The following STPG2 variants were observed in gnomAD, a reference collection of about 807,000 sequenced individuals.
The protein encoded by STPG2 is sperm-tail PG-rich repeat-containing protein 2.
Under a neutral mutation model 54.2 loss-of-function variants are expected in STPG2, and 56 were observed. The ratio of observed to expected loss-of-function variants is 1.03; its 90% confidence interval spans 0.83 to 1.29. The LOEUF (loss-of-function observed/expected upper bound fraction) is 1.29. STPG2 is among the 50% of genes most tolerant of loss of function. The pLI is 0.00. For synonymous variants in STPG2, 200 were observed against 181.8 expected, an observed-to-expected ratio of 1.10 and a Z score of -0.81; for missense variants, 596 against 544.9, an observed-to-expected ratio of 1.09 and a Z score of -0.93.
intron 9 of STPG2, among the ~76,000 whole-genome samples, chr4:97,801,026 T>C (rs1448122287): frequency 1.3e-5 from 2 of 152,180 alleles, no homozygotes; most frequent in South Asian, 2.1e-4. Flanking sequence ...CTAAGACCAT[T>C]GTAAAATTGC....
intron 5 of STPG2, among the ~76,000 whole-genome samples, chr4:98,018,081 C>T (rs1736028116): frequency 6.6e-6 from 1 of 151,960 alleles, no homozygotes; most frequent in Non-Finnish European, 1.5e-5. Context: ...AGGTTTGTTA[C>T]ATATGTATAC....
At chr4:97,718,821 A>G (rs1472812720) in intron 9 of STPG2, among the ~76,000 whole-genome samples, 1 of 151,952 alleles carries the variant, frequency 6.6e-6, no homozygotes, top group African/African-American at 2.4e-5. Context: ...CCTTGTTCCT[A>G]TGTCCTACTA....
chr4:97,647,289 G>A lies in STPG2; in HGVS notation c.1320+65410C>T, dbSNP rs74964548. Among the ~76,000 whole-genome samples, 522 of 152,228 alleles carry A rather than the reference G, an allele frequency of 3.4e-3. 3 individuals are homozygous for A. Among genetic ancestry groups the A allele is most frequent in the African/African-American group, 0.012 (492 of 41,562 alleles). On this transcript the variant is annotated intron_variant, in intron 10 of 10. Coordinates refer to ENST00000295268, the MANE Select transcript of STPG2 (RefSeq NM_174952.3). ...GTTTCCTTTCCTGTTGAATGAGCAAGACTCAAATGTCTTAGAATTGTGTCT... is the reference window on the plus strand; with the variant it reads ...GTTTCCTTTCCTGTTGAATGAGCAAAACTCAAATGTCTTAGAATTGTGTCT...
intron 10 of STPG2, among the ~76,000 whole-genome samples, chr4:97,706,576 T>C (rs528195379): frequency 7.2e-4 from 109 of 152,312 alleles, no homozygotes; most frequent in Non-Finnish European, 1.4e-3. Flanking sequence ...CCAGTCTCTG[T>C]TAGTTTGTTA....
At chr4:97,473,350 G>A (rs1729989652) in intron 4 of STPG2, among the ~76,000 whole-genome samples, 1 of 152,110 alleles carries the variant, frequency 6.6e-6, no homozygotes. Flanking sequence ...GAAAGAGAAT[G>A]CGCCCCTGAG....
At chr4:98,028,599 T>C (rs901645571) in intron 5 of STPG2, among the ~76,000 whole-genome samples, 1 of 152,216 alleles carries the variant, frequency 6.6e-6, no homozygotes, top group East Asian at 1.9e-4. Context: ...TTTAGAGATA[T>C]GAATAAATTA....
intron 4 of STPG2, among the ~76,000 whole-genome samples, chr4:97,553,363 C>T (rs1009952981): frequency 3.3e-5 from 5 of 152,138 alleles, no homozygotes; most frequent in African/African-American, 1.2e-4. Context: ...GTTGTAGATG[C>T]TATGAGGACA....
intron 8 of STPG2, among the ~76,000 whole-genome samples, chr4:97,865,285 T>A (rs1266628996): frequency 6.6e-6 from 1 of 152,078 alleles, no homozygotes; most frequent in African/African-American, 2.4e-5. Flanking sequence ...GGACAAAGGA[T>A]ATGAAAAGAC....
chr4:97,618,142 C>T (rs2148921407), intron 10 of STPG2, among the ~76,000 whole-genome samples: 1 of 152,230 alleles, frequency 6.6e-6, no homozygotes. Flanking sequence ...GCCTGTCTTA[C>T]TGATAGAATG....
At chr4:97,933,724 G>T (rs1385796579) in intron 8 of STPG2, among the ~76,000 whole-genome samples, 1 of 152,026 alleles carries the variant, frequency 6.6e-6, no homozygotes, top group Non-Finnish European at 1.5e-5. Context: ...TGATCTATGT[G>T]TCTCCTTTAG....
intron 9 of STPG2, among the ~76,000 whole-genome samples, chr4:97,737,737 G>A (rs1055226440): frequency 3.9e-5 from 6 of 152,182 alleles, no homozygotes; most frequent in Non-Finnish European, 5.9e-5. Context: ...ACGTCTCATC[G>A]GTGTACCTGA....
intron 4 of STPG2, among the ~76,000 whole-genome samples, chr4:97,527,860 T>C (rs1731318415): frequency 6.6e-6 from 1 of 152,190 alleles, no homozygotes; most frequent in Admixed American, 6.5e-5. Flanking sequence ...GTTTTTTTCT[T>C]GTAAATTTAT....
In STPG2 at chr4:98,059,493, G is replaced by A. The variant is rs140704844; in HGVS notation, c.612+46460C>T. ...CAAATTTACAAAGAAGAGTTGGTAC[G>A]ATTCCTATAGAAACTATTCCCAAAT... On this transcript the variant is annotated intron_variant, in intron 5 of 10. Transcript: ENST00000295268. Among the ~76,000 whole-genome samples the A allele has an allele frequency of 9.9e-4, 150 of 151,972 alleles. 1 individual carries two copies. The highest frequency in any genetic ancestry group is 1.7e-3 in the Non-Finnish European group (118 of 67,912).
At chr4:97,776,687 A>T (rs192163836) in intron 9 of STPG2, among the ~76,000 whole-genome samples, 115 of 152,322 alleles carry the variant, frequency 7.5e-4, no homozygotes, top group Non-Finnish European at 1.3e-3. Context: ...GGACAGAAGG[A>T]CATTGCCTAT....
chr4:97,458,704 A>G (rs1729586191), intron 4 of STPG2, among the ~76,000 whole-genome samples: 1 of 152,184 alleles, frequency 6.6e-6, no homozygotes, highest in African/African-American at 2.4e-5. Flanking sequence ...TCAAAGAAGG[A>G]TGAGAGGATA....
At chr4:98,014,971 T>C (rs1315820501) in intron 5 of STPG2, among the ~76,000 whole-genome samples, 3 of 152,224 alleles carry the variant, frequency 2.0e-5, no homozygotes, top group Admixed American at 6.5e-5. Context: ...AAAAATCCAC[T>C]GACCATGTTA....
chr4:97,881,507 A>G (rs1162532194), intron 8 of STPG2, among the ~76,000 whole-genome samples: 2 of 152,168 alleles, frequency 1.3e-5, no homozygotes, highest in African/African-American at 4.8e-5. Context: ...GCAAGTAAGA[A>G]AATATCTCAG....
At chr4:97,859,808 G>C (rs1456402950) in intron 8 of STPG2, among the ~76,000 whole-genome samples, 1 of 152,170 alleles carries the variant, frequency 6.6e-6, no homozygotes, top group East Asian at 1.9e-4. Flanking sequence ...CTAAGCCAAT[G>C]CTGAGAAGTG....
intron 4 of STPG2, among the ~76,000 whole-genome samples, chr4:97,468,225 G>T (rs1161035718): frequency 6.6e-6 from 1 of 151,990 alleles, no homozygotes. Context: ...ATTTGTGACA[G>T]TGACAAACTC....
Sources: gnomAD v4.1 joint callset for allele counts (sites outside exome capture counted in the v4.1 genomes callset) on GRCh38, gnomAD v4.1.1 for gene constraint, MANE v1.5 for transcripts, NCBI Gene and HGNC (gene_info 2026-07-23, HGNC 2026-07-21) for gene names.